Variants in GRID2 observed in about 807,000 individuals in gnomAD.
GRID2 encodes glutamate ionotropic receptor delta type subunit 2, also known as glutamate receptor ionotropic, delta-2.
In GRID2, 33 loss-of-function variants were observed where a neutral mutation model predicts 114.8. That is an observed-to-expected ratio of 0.29 (90% confidence interval 0.22 to 0.38). The LOEUF is 0.38. GRID2 is among the 10% of genes least tolerant of loss of function. The probability of loss-of-function intolerance (pLI) is 1.00; values close to 1 mark genes in which losing one functional copy is unlikely to be tolerated. For synonymous variants in GRID2, 505 were observed against 449.9 expected, an observed-to-expected ratio of 1.12 and a Z score of -1.55; for missense variants, 1,184 against 1,257.7, an observed-to-expected ratio of 0.94 and a Z score of 0.89.
chr4:93,459,724 T>C (rs1036181683), intron 11 of GRID2, among the ~76,000 whole-genome samples: 1 of 152,194 alleles, frequency 6.6e-6, no homozygotes, highest in African/African-American at 2.4e-5. Flanking sequence ...TATATTCAAC[T>C]GTTACCTAGG....
At chr4:92,810,444 A>C (rs1390811500) in intron 2 of GRID2, among the ~76,000 whole-genome samples, 1 of 152,082 alleles carries the variant, frequency 6.6e-6, no homozygotes, top group East Asian at 1.9e-4. Flanking sequence ...CGTCTATTTA[A>C]CTAAAAACTA....
chr4:93,332,931 T>A (rs1433757871), intron 8 of GRID2, among the ~76,000 whole-genome samples: 1 of 152,142 alleles, frequency 6.6e-6, no homozygotes, highest in Non-Finnish European at 1.5e-5. Context: ...TCACCACCAG[T>A]CATAACTAAA....
chr4:93,607,502 G>C (rs745507350), intron 13 of GRID2, among the ~76,000 whole-genome samples: 2 of 152,082 alleles, frequency 1.3e-5, no homozygotes, highest in African/African-American at 4.8e-5. Flanking sequence ...ATGATGCACT[G>C]AGTATTCTTG....
At chr4:93,748,920 A>T (rs754875190) in intron 14 of GRID2, among the ~76,000 whole-genome samples, 10 of 152,214 alleles carry the variant, frequency 6.6e-5, no homozygotes, top group Non-Finnish European at 1.0e-4. Flanking sequence ...AAGAACTCCT[A>T]CCAAGTAATA....
chr4:93,169,677 A>G (rs1738607702), intron 4 of GRID2, among the ~76,000 whole-genome samples: 4 of 152,202 alleles, frequency 2.6e-5, no homozygotes, highest in Admixed American at 2.6e-4. Flanking sequence ...ATTGAAGTGT[A>G]TAAAACATTT....
intron 8 of GRID2, among the ~76,000 whole-genome samples, chr4:93,251,074 T>C (rs1748864726): frequency 6.6e-6 from 1 of 152,148 alleles, no homozygotes; most frequent in Non-Finnish European, 1.5e-5. Context: ...ATGCCTTTCT[T>C]TCACAATATG....
rs895521296 is a variant in GRID2 at position 92,700,821 on chromosome 4, T to C, written c.244+110535T>C. Among the ~76,000 whole-genome samples the C allele has an allele frequency of 1.1e-4, 17 of 151,994 alleles. 1 individual carries two copies. The highest frequency in any genetic ancestry group is 1.6e-4 in the Non-Finnish European group (11 of 67,972). Reference sequence around the variant, plus strand: ...TCCTTGTTAACACAGTGAAACCCCGTCTCTGCTACAAATACAAAAAATTAG... The same window carrying C: ...TCCTTGTTAACACAGTGAAACCCCGCCTCTGCTACAAATACAAAAAATTAG... On this transcript the variant is annotated intron_variant, in intron 2 of 15. Transcript: ENST00000282020.
chr4:93,461,026 G>A (rs1723691991), intron 11 of GRID2, among the ~76,000 whole-genome samples: 1 of 152,074 alleles, frequency 6.6e-6, no homozygotes, highest in Non-Finnish European at 1.5e-5. Context: ...CAGGAAAAAA[G>A]ATAAATAGAA....
intron 1 of GRID2, among the ~76,000 whole-genome samples, chr4:92,510,163 G>A (rs1006383736): frequency 6.6e-6 from 1 of 151,840 alleles, no homozygotes; most frequent in Non-Finnish European, 1.5e-5. Flanking sequence ...AGTAACTATG[G>A]TTTAACTGTG....
chr4:93,078,256 AT>A (rs2149314104), intron 2 of GRID2, among the ~76,000 whole-genome samples: 1 of 152,194 alleles, frequency 6.6e-6, no homozygotes, highest in Admixed American at 6.5e-5. Flanking sequence ...TACCCTTCAA[AT>A]TGCAGCTCTA....
intron 8 of GRID2, among the ~76,000 whole-genome samples, chr4:93,244,537 CTATTAATTAATAGATTATATAATCT>C (rs1747952147): frequency 6.7e-5 from 2 of 29,894 alleles, no homozygotes; most frequent in South Asian, 1.5e-3. Flanking sequence ...ATTATATAAT[CTATTAATTAATAGATTATATAATCT>C]ATTATATATT....
At chr4:92,749,996 G>A (rs1167511044) in intron 2 of GRID2, among the ~76,000 whole-genome samples, 1 of 152,056 alleles carries the variant, frequency 6.6e-6, no homozygotes, top group Non-Finnish European at 1.5e-5. Flanking sequence ...CGAGTAGCTG[G>A]GATTACAGGC....
chr4:93,311,234 T>C (rs1219186726), intron 8 of GRID2, among the ~76,000 whole-genome samples: 1 of 152,026 alleles, frequency 6.6e-6, no homozygotes, highest in Admixed American at 6.6e-5. Flanking sequence ...CAAAAAGCCA[T>C]CTCAAATTCT....
At chr4:93,481,554 C>T (rs752660320) in intron 11 of GRID2, among the ~76,000 whole-genome samples, 12 of 152,042 alleles carry the variant, frequency 7.9e-5, no homozygotes, top group African/African-American at 2.2e-4. Flanking sequence ...TGTATTCATT[C>T]GGAGACTTCA....
In GRID2 at chr4:93,240,759, T is replaced by C. The variant is rs559226437; in HGVS notation, c.1245+2269T>C. Among the ~76,000 whole-genome samples the C allele has an allele frequency of 1.8e-3, 256 of 145,202 alleles. 1 individual carries two copies. Among genetic ancestry groups the C allele is most frequent in the African/African-American group, 6.3e-3 (242 of 38,342 alleles). ...TTAAGGTCTTTTATCTATCTAGAAG[T>C]TTTTTTTTTATATATATACGGGGTA... On this transcript the variant is annotated intron_variant, in intron 8 of 15. Transcript: ENST00000282020.
chr4:93,481,537 TG>T, intron 11 of GRID2, among the ~76,000 whole-genome samples: 1 of 152,248 alleles, frequency 6.6e-6, no homozygotes, highest in Non-Finnish European at 1.5e-5. Flanking sequence ...GTTTCTCATT[TG>T]CACTCTGTAT....
chr4:92,926,473 C>A (rs1453292388), intron 2 of GRID2, among the ~76,000 whole-genome samples: 1 of 151,842 alleles, frequency 6.6e-6, no homozygotes, highest in African/African-American at 2.4e-5. Context: ...ATAAATTTCA[C>A]ATATTCTTTG....
intron 9 of GRID2, among the ~76,000 whole-genome samples, chr4:93,413,225 C>T (rs1057197978): frequency 9.2e-5 from 14 of 152,140 alleles, no homozygotes; most frequent in African/African-American, 3.1e-4. Flanking sequence ...AGTGTAAAAG[C>T]GTTCCTATTT....
chr4:92,423,998 A>G (rs1354619468), intron 1 of GRID2, among the ~76,000 whole-genome samples: 2 of 152,258 alleles, frequency 1.3e-5, no homozygotes, highest in African/African-American at 4.8e-5. Flanking sequence ...CTCTTCAAGT[A>G]GTGTTAAACC....
Sources: allele counts gnomAD v4.1 joint callset (sites outside exome capture counted in the v4.1 genomes callset), GRCh38; gene constraint gnomAD v4.1.1; transcripts MANE v1.5; gene names NCBI Gene and HGNC (gene_info 2026-07-23, HGNC 2026-07-21).